Variants in IQSEC1 observed in about 807,000 individuals in gnomAD.
IQSEC1 encodes IQ motif and SEC7 domain-containing protein 1.
A neutral mutation model predicts 91.0 loss-of-function variants in IQSEC1; 31 were observed. That is an observed-to-expected ratio of 0.34 (90% CI 0.26 to 0.46). The LOEUF is 0.46. IQSEC1 is among the 20% of genes least tolerant of loss of function. IQSEC1 has a pLI of 1.00. For synonymous variants in IQSEC1, 699 were observed against 662.6 expected, an observed-to-expected ratio of 1.05 and a Z score of -0.84; for missense variants, 1,388 against 1,575.6, an observed-to-expected ratio of 0.88 and a Z score of 2.02.
chr3:13,130,366 A>G (rs1706592005), intron 2 of IQSEC1, among the ~76,000 whole-genome samples: 1 of 151,816 alleles, frequency 6.6e-6, no homozygotes, highest in Admixed American at 6.6e-5. Context: ...AAAAAAAGAA[A>G]GAAAGAAAGA....
At chr3:13,015,715 C>A in intron 1 of IQSEC1, 1 of 985,410 alleles carries the variant, frequency 1.0e-6, no homozygotes, top group African/African-American at 1.7e-5. Flanking sequence ...AGTCGGCATC[C>A]AGGAAACCAC....
At chr3:13,022,090 T>C (rs1576178674) in intron 1 of IQSEC1, 1 of 1,231,328 alleles carries the variant, frequency 8.1e-7, no homozygotes, top group South Asian at 4.1e-5. Flanking sequence ...GGCACTGCCA[T>C]ACCCCTTCAT....
chr3:13,125,108 C>T (rs1706491741), intron 2 of IQSEC1, among the ~76,000 whole-genome samples: 1 of 152,208 alleles, frequency 6.6e-6, no homozygotes. Context: ...GGTAACTCTA[C>T]AGCATGGTTT....
intron 1 of IQSEC1, among the ~76,000 whole-genome samples, chr3:13,020,447 C>A (rs1418126961): frequency 6.6e-6 from 1 of 152,238 alleles, no homozygotes; most frequent in Non-Finnish European, 1.5e-5. Context: ...CAGGCACTCT[C>A]ACCCAGCAGC....
At position 13,027,805 on chromosome 3, in the gene IQSEC1, A is replaced by G. The variant is rs542146401; in HGVS notation, c.23+45187T>C. Among the ~76,000 whole-genome samples the G allele has an allele frequency of 2.0e-5, 3 of 152,312 alleles. No individual in the cohort carries two copies. The South Asian group carries it at 6.2e-4, about 32-fold the overall frequency. The stretch of plus-strand genomic sequence containing the variant: ...AACAACTGTGGCTTGGCTCTGGCTG[A>G]TGGCTGCTCTGTAGGAATAAGGGCT... On this transcript the variant is annotated intron_variant, in intron 1 of 13. Transcript: ENST00000613206.
chr3:13,235,494 G>A (rs1461636189), intron 1 of IQSEC1, among the ~76,000 whole-genome samples: 1 of 152,164 alleles, frequency 6.6e-6, no homozygotes, highest in Non-Finnish European at 1.5e-5. Context: ...AATCCCTGGT[G>A]CTGAGCTGGT....
intron 1 of IQSEC1, among the ~76,000 whole-genome samples, chr3:12,991,016 C>A (rs1407519477): frequency 6.6e-6 from 1 of 152,184 alleles, no homozygotes; most frequent in Non-Finnish European, 1.5e-5. Context: ...AATTTAGCAG[C>A]CTGCTTCCTG....
At chr3:12,982,762 A>C (rs1381414940) in intron 1 of IQSEC1, among the ~76,000 whole-genome samples, 1 of 152,218 alleles carries the variant, frequency 6.6e-6, no homozygotes, top group Non-Finnish European at 1.5e-5. Context: ...TAGTACTGAC[A>C]GGAAAGAGCT....
At chr3:13,280,421 C>T (rs1695766658) in intron 1 of IQSEC1, among the ~76,000 whole-genome samples, 1 of 152,118 alleles carries the variant, frequency 6.6e-6, no homozygotes, top group Admixed American at 6.5e-5. Flanking sequence ...TGAGCAGCCC[C>T]GGGGGGGCCC....
At chr3:13,182,643 C>G (rs1693864066) in intron 1 of IQSEC1, among the ~76,000 whole-genome samples, 1 of 152,108 alleles carries the variant, frequency 6.6e-6, no homozygotes, top group African/African-American at 2.4e-5. Context: ...GGACAAAAAA[C>G]AAACCTTAAT....
chr3:13,278,139 G>T (rs948480516), intron 1 of IQSEC1, among the ~76,000 whole-genome samples: 1 of 152,138 alleles, frequency 6.6e-6, no homozygotes, highest in Non-Finnish European at 1.5e-5. Context: ...AACCTCCCCC[G>T]GAGTGAGTCA....
intron 1 of IQSEC1, among the ~76,000 whole-genome samples, chr3:13,229,075 C>G (rs778268594): frequency 6.6e-6 from 1 of 152,142 alleles, no homozygotes; most frequent in Admixed American, 6.6e-5. Flanking sequence ...GGGCTGGCAC[C>G]ACTGGCATAC....
intron 1 of IQSEC1, among the ~76,000 whole-genome samples, chr3:13,021,398 C>T (rs1005342503): frequency 1.8e-4 from 27 of 152,226 alleles, no homozygotes; most frequent in African/African-American, 6.0e-4. Context: ...GAAAGCTCAA[C>T]GGCAAGGGTC....
chr3:12,915,950 G>C (rs1047366842), intron 6 of IQSEC1, among the ~76,000 whole-genome samples: 1 of 152,196 alleles, frequency 6.6e-6, no homozygotes, highest in Non-Finnish European at 1.5e-5. Flanking sequence ...TCTAGTAGGC[G>C]ATGGGTGTCA....
Position 13,144,604 on chromosome 3 carries a change from A to G in IQSEC1, c.302+19500T>C, listed in dbSNP as rs563676119. On this transcript the variant is annotated intron_variant, in intron 2 of 15. Coordinates refer to the IQSEC1 transcript ENST00000648114. ...TTAAGAGACTTTACTCCCCCTGGGCACACCAGAGGCCTTTTCAGAATGTGC... is the reference window on the plus strand; with the variant it reads ...TTAAGAGACTTTACTCCCCCTGGGCGCACCAGAGGCCTTTTCAGAATGTGC... Among the ~76,000 whole-genome samples, 7 of 152,320 alleles carry G rather than the reference A, an allele frequency of 4.6e-5. No homozygotes were observed. In the South Asian group the frequency reaches 1.5e-3, roughly 32 times the overall value.
chr3:13,126,934 AG>A (rs1706523140), intron 2 of IQSEC1, among the ~76,000 whole-genome samples: 1 of 152,128 alleles, frequency 6.6e-6, no homozygotes, highest in Non-Finnish European at 1.5e-5. Context: ...TTTTCCTAAA[AG>A]TTTTATAGTT....
rs370534423 is a variant in IQSEC1, at chr3:13,026,864, G to GCTTTTTTTTTTTTTTTTTTTTTT, written c.23+46127_23+46128insAAAAAAAAAAAAAAAAAAAAAAG. Among the ~76,000 whole-genome samples, 2 of 90,864 alleles carry GCTTTTTTTTTTTTTTTTTTTTTT rather than the reference G, an allele frequency of 2.2e-5. 1 individual carries two copies. The allele number at this position is 90,864 out of a possible 152,430, so 59.6% of individuals were successfully genotyped here. ...TGAAGTAGCAGTTATTATCTCCCCA[G>GCTTTTTTTTTTTTTTTTTTTTTT]TTTTTTTTTTTTTTGTTTGTTTTTT... On this transcript the variant is annotated intron_variant, in intron 1 of 13. Coordinates refer to ENST00000613206, the MANE Select transcript of IQSEC1 (RefSeq NM_001134382.3).
rs544785504 is a variant in IQSEC1, at chr3:12,901,472, T to C, written c.2856A>G (p.Arg952=). ...PHMRRRATST[R]ECPSRPHQTM... ...TCTGGTGTGGGCGAGATGGACACTCTCGTGTTGATGTAGCTCTCCGGCGCA... is the reference window on the plus strand; with the variant it reads ...TCTGGTGTGGGCGAGATGGACACTCCCGTGTTGATGTAGCTCTCCGGCGCA... Residue 952 remains arginine, a synonymous_variant, in exon 14 of 14, where the codon CGA becomes CGG. Coordinates refer to ENST00000613206, the MANE Select transcript of IQSEC1 (RefSeq NM_001134382.3). The C allele has an allele frequency of 5.0e-5, 78 of 1,549,692 alleles. No homozygotes were observed. The African/African-American group carries it at 8.6e-4, about 17-fold the overall frequency.
At chr3:12,904,148 G>A (rs1694701209) in intron 12 of IQSEC1, among the ~76,000 whole-genome samples, 1 of 152,226 alleles carries the variant, frequency 6.6e-6, no homozygotes, top group South Asian at 2.1e-4. Context: ...AAGTGCTGTG[G>A]GCTTCGAGCC....
Sources: gnomAD v4.1 joint callset for allele counts (sites outside exome capture counted in the v4.1 genomes callset) on GRCh38, gnomAD v4.1.1 for gene constraint, MANE v1.5 for transcripts, NCBI Gene and HGNC (gene_info 2026-07-23, HGNC 2026-07-21) for gene names.